Variants in FAM168A observed in about 807,000 individuals in gnomAD.
FAM168A encodes protein FAM168A.
In FAM168A, 3 loss-of-function variants were observed where a neutral mutation model predicts 28.5. The ratio of observed to expected loss-of-function variants is 0.11; its 90% CI spans 0.05 to 0.27. The LOEUF (loss-of-function observed/expected upper bound fraction) is 0.27. Ranked by LOEUF, FAM168A falls within the 10% of genes least tolerant of loss-of-function variation. The pLI is 1.00. For synonymous variants in FAM168A, 122 were observed against 124.2 expected (o/e 0.98, Z 0.12); for missense variants, 222 against 311.5 (o/e 0.71, Z 2.16).
At chr11:73,593,858 T>C (rs1225214430) in intron 1 of FAM168A, among the ~76,000 whole-genome samples, 1 of 152,220 alleles carries the variant, frequency 6.6e-6, no homozygotes, top group Non-Finnish European at 1.5e-5. Context: ...TAATAGTAAG[T>C]GGTAGACAGA....
intron 2 of FAM168A, among the ~76,000 whole-genome samples, chr11:73,442,954 G>GGATA (rs1867226169): frequency 7.9e-5 from 1 of 12,662 alleles, no homozygotes. Context: ...TATATACAAA[G>GGATA]GATATATATA....
intron 2 of FAM168A, among the ~76,000 whole-genome samples, chr11:73,435,772 A>G (rs1252372422): frequency 6.6e-6 from 1 of 152,172 alleles, no homozygotes; most frequent in Non-Finnish European, 1.5e-5. Flanking sequence ...ATGACTGTAC[A>G]CTGAGTTCTT....
At chr11:73,547,948 C>T (rs1341187020) in intron 1 of FAM168A, among the ~76,000 whole-genome samples, 4 of 151,734 alleles carry the variant, frequency 2.6e-5, no homozygotes, top group African/African-American at 7.3e-5. Context: ...GGATGAATCT[C>T]GAAGATATTA....
At chr11:73,487,071 C>T (rs1868062746) in intron 1 of FAM168A, among the ~76,000 whole-genome samples, 1 of 151,998 alleles carries the variant, frequency 6.6e-6, no homozygotes, top group Non-Finnish European at 1.5e-5. Context: ...GAAAAGACCT[C>T]TTCCTTCTCA....
Position 73,403,079 on chromosome 11 carries a change from A to G in FAM168A, c.*3684T>C, listed in dbSNP as rs1041244607. Reference sequence around the variant, plus strand: ...AGTTTTTTCATCTATAAAATGGAGGACTTTGGCAACCAATGTCAAAGTACT... The same window carrying G: ...AGTTTTTTCATCTATAAAATGGAGGGCTTTGGCAACCAATGTCAAAGTACT... On this transcript the variant is annotated 3_prime_UTR_variant, in exon 8 of 8. Transcript: ENST00000356467. The G allele has an allele frequency of 6.6e-6, 1 of 152,178 alleles. No homozygotes were observed. The highest frequency in any genetic ancestry group is 1.5e-5 in the Non-Finnish European group (1 of 68,028). The allele number at this position is 152,178 out of a possible 1,614,324, so 9.4% of individuals were successfully genotyped here. A position where few individuals can be genotyped will look rare whatever the true frequency, so the allele number is the denominator to read the frequency against.
chr11:73,529,935 C>T (rs1052609540), intron 1 of FAM168A, among the ~76,000 whole-genome samples: 1 of 151,550 alleles, frequency 6.6e-6, no homozygotes, highest in African/African-American at 2.4e-5. Context: ...TACAGGCGCC[C>T]GGCACCACAC....
At chr11:73,466,455 GT>G (rs1226992862) in intron 2 of FAM168A, among the ~76,000 whole-genome samples, 8 of 151,924 alleles carry the variant, frequency 5.3e-5, no homozygotes, top group Non-Finnish European at 8.8e-5. Flanking sequence ...AACTACCATA[GT>G]TTTTTTATCT....
At position 73,535,441 on chromosome 11, in the gene FAM168A, CAG is replaced by C. The variant is rs1365922416; in HGVS notation, c.-19+62480_-19+62481del. Among the ~76,000 whole-genome samples the C allele has an allele frequency of 2.4e-4, 34 of 139,714 alleles. No individual in the cohort carries two copies. The East Asian group carries it at 4.8e-3, about 20-fold the overall frequency. 91.7% of individuals were successfully genotyped at this position (139,714 alleles called of 152,430 possible). On this transcript the variant is annotated intron_variant, in intron 1 of 7. Coordinates refer to ENST00000356467, the MANE Select transcript of FAM168A (RefSeq NM_015159.3). ...TTCTTTTTTTTTTTTTTTTTTGAGA[CAG>C]AGTCTTGTTCTGTCGCCCAGGCTGG...
intron 1 of FAM168A, among the ~76,000 whole-genome samples, chr11:73,538,221 T>C (rs574726367): frequency 3.5e-4 from 53 of 152,146 alleles, no homozygotes; most frequent in Non-Finnish European, 6.5e-4. Context: ...CACAGTCTGC[T>C]GAATTGCATT....
Position 73,406,624 on chromosome 11 carries a change from T to C in FAM168A, c.*139A>G, listed in dbSNP as rs1033946451. The C allele has an allele frequency of 1.3e-5, 2 of 152,640 alleles. No individual in the cohort carries two copies. Among genetic ancestry groups the C allele is most frequent in the Admixed American group, 1.3e-4 (2 of 15,278 alleles). 9.5% of individuals were successfully genotyped at this position (152,640 alleles called of 1,614,324 possible). A position where few individuals can be genotyped will look rare whatever the true frequency, so the allele number is the denominator to read the frequency against. ...AAATAAAAATCAAAACCATTAAAGA[T>C]GCATAAAGTGACCCTTGCACTTCCG... On this transcript the variant is annotated 3_prime_UTR_variant, in exon 8 of 8. Transcript: ENST00000356467.
At chr11:73,424,945 G>A (rs999951964) in intron 3 of FAM168A, 127 of 1,239,528 alleles carry the variant, frequency 1.0e-4, no homozygotes, top group Non-Finnish European at 1.3e-4. Context: ...GGGGAGGAGA[G>A]GAGAGGGGAT....
intron 4 of FAM168A, among the ~76,000 whole-genome samples, chr11:73,413,505 C>T (rs1395206095): frequency 6.6e-6 from 1 of 152,104 alleles, no homozygotes; most frequent in Non-Finnish European, 1.5e-5. Context: ...TGGGGGAAGA[C>T]AGGGAGACTA....
intron 1 of FAM168A, among the ~76,000 whole-genome samples, chr11:73,472,163 C>T (rs1250328734): frequency 6.6e-6 from 1 of 152,174 alleles, no homozygotes; most frequent in African/African-American, 2.4e-5. Context: ...GGGACCGCTC[C>T]TGTAAAGAAA....
chr11:73,544,650 TAC>T (rs1943701793), intron 1 of FAM168A, among the ~76,000 whole-genome samples: 1 of 138,762 alleles, frequency 7.2e-6, no homozygotes, highest in Non-Finnish European at 1.5e-5. Context: ...AAAAAATATA[TAC>T]AATTACATAT....
chr11:73,559,428 G>A (rs1257177235), intron 1 of FAM168A, among the ~76,000 whole-genome samples: 3 of 151,844 alleles, frequency 2.0e-5, no homozygotes, highest in Admixed American at 6.6e-5. Context: ...ACTCCAGCCT[G>A]AGCGACAAGA....
At chr11:73,438,261 T>C (rs1477507954) in intron 2 of FAM168A, among the ~76,000 whole-genome samples, 1 of 152,188 alleles carries the variant, frequency 6.6e-6, no homozygotes, top group Non-Finnish European at 1.5e-5. Flanking sequence ...CAGTAATATA[T>C]GTAAGATATA....
At chr11:73,461,129 T>C (rs1301769527) in intron 2 of FAM168A, among the ~76,000 whole-genome samples, 1 of 152,102 alleles carries the variant, frequency 6.6e-6, no homozygotes, top group Non-Finnish European at 1.5e-5. Context: ...AATCTTTTTT[T>C]TTTAAGACAA....
Position 73,561,018 on chromosome 11 carries a change from C to A in FAM168A, c.-19+36905G>T, listed in dbSNP as rs182840429. ...CAGAGGTTGCAGTGAGCCAAGATTGCGCCACTGCACTCCAGCCTGGGTGAC... is the reference window on the plus strand; with the variant it reads ...CAGAGGTTGCAGTGAGCCAAGATTGAGCCACTGCACTCCAGCCTGGGTGAC... On this transcript the variant is annotated intron_variant, in intron 1 of 7. Coordinates refer to ENST00000356467, the MANE Select transcript of FAM168A (RefSeq NM_015159.3). Among the ~76,000 whole-genome samples, 62 of 147,684 alleles carry A rather than the reference C, an allele frequency of 4.2e-4. No individual in the cohort carries two copies. The East Asian group carries it at 0.012, about 28-fold the overall frequency.
chr11:73,429,882 AC>A (rs906972177), intron 3 of FAM168A, among the ~76,000 whole-genome samples: 5 of 152,332 alleles, frequency 3.3e-5, no homozygotes, highest in African/African-American at 1.2e-4. Flanking sequence ...AGTAAATGGA[AC>A]TTACATAAAA....
Sources: gnomAD v4.1 joint callset for allele counts (sites outside exome capture counted in the v4.1 genomes callset) on GRCh38, gnomAD v4.1.1 for gene constraint, MANE v1.5 for transcripts, NCBI Gene and HGNC (gene_info 2026-07-23, HGNC 2026-07-21) for gene names.